The following KCNAB1 variants were observed in gnomAD, a reference collection of about 807,000 sequenced individuals.
KCNAB1 encodes the protein potassium voltage-gated channel subfamily A regulatory beta subunit 1, also known as voltage-gated potassium channel subunit beta-1.
Under a neutral mutation model 64.6 loss-of-function variants are expected in KCNAB1, and 35 were observed. The observed-to-expected ratio is 0.54, with a 90% CI of 0.41 to 0.72. KCNAB1 has a LOEUF of 0.72. Ranked by LOEUF, KCNAB1 falls within the 30% of genes least tolerant of loss-of-function variation. The pLI is 0.00. For missense variants in KCNAB1, 401 were observed against 512.9 expected (o/e 0.78, Z 2.11); for synonymous variants, 177 against 183.8 (o/e 0.96, Z 0.30).
chr3:156,129,417 G>T (rs981173474), intron 1 of KCNAB1, among the ~76,000 whole-genome samples: 2 of 152,148 alleles, frequency 1.3e-5, no homozygotes, highest in Non-Finnish European at 2.9e-5. Flanking sequence ...TTTTCAGGTT[G>T]TTGTGCAGTT....
chr3:156,458,490 T>C (rs1351740002), intron 4 of KCNAB1, among the ~76,000 whole-genome samples: 1 of 152,214 alleles, frequency 6.6e-6, no homozygotes, highest in Non-Finnish European at 1.5e-5. Flanking sequence ...AGAATTACAA[T>C]CAAATTGCTG....
At chr3:156,516,511 C>T in intron 11 of KCNAB1, 147 bp downstream of exon 11, 1 of 636,816 alleles carries the variant, frequency 1.6e-6, no homozygotes. Flanking sequence ...TCCCCTAAGC[C>T]TTCTGGAGGT....
At chr3:156,313,358 GCA>G (rs1046119790) in intron 1 of KCNAB1, among the ~76,000 whole-genome samples, 98 of 152,254 alleles carry the variant, frequency 6.4e-4, no homozygotes, top group African/African-American at 2.3e-3. Context: ...CATGTTCATG[GCA>G]AAAAGGACTT....
chr3:156,466,631 A>G (rs1162944589), intron 7 of KCNAB1, among the ~76,000 whole-genome samples: 1 of 152,024 alleles, frequency 6.6e-6, no homozygotes, highest in East Asian at 1.9e-4. Context: ...GTAGTATACT[A>G]TACTGTTTTA....
At chr3:156,292,584 CTGG>C (rs1720507462) in intron 1 of KCNAB1, among the ~76,000 whole-genome samples, 1 of 152,150 alleles carries the variant, frequency 6.6e-6, no homozygotes, top group Non-Finnish European at 1.5e-5. Context: ...GTTGCCCAGG[CTGG>C]AGTGCAGTGG....
intron 1 of KCNAB1, among the ~76,000 whole-genome samples, chr3:156,134,571 T>C (rs1714194793): frequency 6.6e-6 from 1 of 152,242 alleles, no homozygotes; most frequent in Non-Finnish European, 1.5e-5. Context: ...CTAAAAAAGG[T>C]GATCTCTACA....
intron 1 of KCNAB1, among the ~76,000 whole-genome samples, chr3:156,266,267 A>G (rs1425881308): frequency 2.0e-5 from 3 of 152,164 alleles, no homozygotes; most frequent in Non-Finnish European, 4.4e-5. Flanking sequence ...ATTACTATAG[A>G]ACTATGTAAA....
At chr3:156,159,523 T>C (rs1332003563) in intron 1 of KCNAB1, among the ~76,000 whole-genome samples, 1 of 152,196 alleles carries the variant, frequency 6.6e-6, no homozygotes, top group Non-Finnish European at 1.5e-5. Flanking sequence ...ATAAATACCA[T>C]TAAGTTCCAT....
At chr3:156,419,522 AAAAG>A (rs1195307123) in intron 1 of KCNAB1, among the ~76,000 whole-genome samples, 7 of 151,814 alleles carry the variant, frequency 4.6e-5, no homozygotes, top group African/African-American at 1.2e-4. Context: ...AAAAAAAAAA[AAAAG>A]AAAGAAAAGA....
chr3:156,218,501 C>T (rs77046193), intron 1 of KCNAB1, among the ~76,000 whole-genome samples: 50 of 152,208 alleles, frequency 3.3e-4, no homozygotes, highest in East Asian at 1.9e-3. Context: ...CCAGTTGTCC[C>T]TAGGGCAAAT....
chr3:156,326,651 A>G (rs1325606157), intron 1 of KCNAB1, among the ~76,000 whole-genome samples: 1 of 152,130 alleles, frequency 6.6e-6, no homozygotes, highest in African/African-American at 2.4e-5. Flanking sequence ...TCCTCACTGC[A>G]GCATGCTCCT....
chr3:156,514,104 A>G (rs12054056), intron 8 of KCNAB1, among the ~76,000 whole-genome samples: 78,229 of 152,072 alleles, frequency 0.51, 20,630 homozygotes, highest in African/African-American at 0.62. Context: ...AGAACTTAAA[A>G]TGGTCATTAT....
chr3:156,223,528 A>G (rs1715927475), intron 1 of KCNAB1, among the ~76,000 whole-genome samples: 1 of 152,186 alleles, frequency 6.6e-6, no homozygotes, highest in Non-Finnish European at 1.5e-5. Flanking sequence ...CAGAGTACTC[A>G]TTGGTGTATT....
chr3:156,119,833 C>T (rs1404666642), upstream of KCNAB1, among the ~76,000 whole-genome samples: 1 of 152,178 alleles, frequency 6.6e-6, no homozygotes, highest in African/African-American at 2.4e-5. Context: ...ACACTGGGCA[C>T]ACACATACAC....
intron 1 of KCNAB1, among the ~76,000 whole-genome samples, chr3:156,288,286 T>G (rs1720207040): frequency 6.6e-6 from 1 of 152,162 alleles, no homozygotes; most frequent in African/African-American, 2.4e-5. Context: ...TACAATCACA[T>G]TCTGAGGTAC....
chr3:156,415,788 G>A lies in KCNAB1; in HGVS notation c.276-5828G>A, dbSNP rs559350639. On this transcript the variant is annotated intron_variant, in intron 1 of 13. Coordinates refer to ENST00000490337, the MANE Select transcript of KCNAB1 (RefSeq NM_172160.3). ...TGGGCCCTGTTCACTAACAGAATCG[G>A]TTCCCTCAGCCGCTGACCCAGCCCA... is the stretch of plus-strand genomic sequence containing the variant. 7.2e-4 allele frequency among the ~76,000 whole-genome samples: 110 copies of A among 152,152 alleles called. 1 individual carries two copies. The South Asian group carries it at 0.013, about 18-fold the overall frequency.
At chr3:156,163,748 C>A (rs531065733) in intron 1 of KCNAB1, among the ~76,000 whole-genome samples, 1 of 152,272 alleles carries the variant, frequency 6.6e-6, no homozygotes, top group South Asian at 2.1e-4. Context: ...CAGCCATAAC[C>A]TTTTGCTGGG....
chr3:156,392,703 TAATATA>T (rs1356911502), intron 1 of KCNAB1, among the ~76,000 whole-genome samples: 1 of 152,252 alleles, frequency 6.6e-6, no homozygotes, highest in Non-Finnish European at 1.5e-5. Flanking sequence ...GTATGAATGT[TAATATA>T]AGCAAATAAT....
intron 1 of KCNAB1, among the ~76,000 whole-genome samples, chr3:156,151,326 T>TA (rs767903033): frequency 3.3e-5 from 5 of 152,180 alleles, no homozygotes; most frequent in Non-Finnish European, 7.3e-5. Context: ...CTTATCTAGT[T>TA]ACCAACTAAT....
Sources: gnomAD v4.1 joint callset for allele counts (sites outside exome capture counted in the v4.1 genomes callset) on GRCh38, gnomAD v4.1.1 for gene constraint, MANE v1.5 for transcripts, NCBI Gene and HGNC (gene_info 2026-07-23, HGNC 2026-07-21) for gene names.